The following ASAP1 variants were observed in gnomAD, a reference collection of about 807,000 sequenced individuals.
ASAP1 encodes ArfGAP with SH3 domain, ankyrin repeat and PH domain 1.
ASAP1 carries 43 observed loss-of-function variants against 145.2 expected under a neutral mutation model. The ratio of observed to expected loss-of-function variants is 0.30; its 90% CI spans 0.23 to 0.38. The LOEUF (loss-of-function observed/expected upper bound fraction) is 0.38, where lower values mean the gene tolerates loss of function less well. ASAP1 is among the 10% of genes least tolerant of loss of function. The pLI is 1.00. For missense variants in ASAP1, 1,018 were observed against 1,355.3 expected (o/e 0.75, Z 3.91); for synonymous variants, 546 against 515.5 (o/e 1.06, Z -0.80).
intron 3 of ASAP1, among the ~76,000 whole-genome samples, chr8:130,270,456 G>T (rs1056270739): frequency 3.3e-4 from 50 of 152,316 alleles, no homozygotes; most frequent in African/African-American, 1.2e-3. Flanking sequence ...AAAGTATAAA[G>T]AAATAACTTC....
chr8:130,396,885 T>A (rs1828555162), intron 2 of ASAP1, among the ~76,000 whole-genome samples: 1 of 152,212 alleles, frequency 6.6e-6, no homozygotes, highest in Non-Finnish European at 1.5e-5. Flanking sequence ...GTCTAAAGTT[T>A]AGGTCACTTC....
At chr8:130,221,765 T>C (rs541858671) in intron 4 of ASAP1, among the ~76,000 whole-genome samples, 2 of 152,200 alleles carry the variant, frequency 1.3e-5, no homozygotes, top group African/African-American at 4.8e-5. Flanking sequence ...ATACTCCATA[T>C]CCTAAAGTAG....
At chr8:130,211,664 G>A (rs573182149) in intron 5 of ASAP1, among the ~76,000 whole-genome samples, 7 of 152,272 alleles carry the variant, frequency 4.6e-5, no homozygotes, top group Admixed American at 2.6e-4. Context: ...ATAAAAATAA[G>A]TAATGATTTA....
At chr8:130,076,838 A>C (rs983188030) in intron 26 of ASAP1, among the ~76,000 whole-genome samples, 1 of 152,166 alleles carries the variant, frequency 6.6e-6, no homozygotes, top group African/African-American at 2.4e-5. Context: ...TCTTTAACAA[A>C]AGATTAGTCT....
intron 3 of ASAP1, among the ~76,000 whole-genome samples, chr8:130,256,739 T>TTATATTTA (rs1819544184): frequency 1.0e-5 from 1 of 95,904 alleles, no homozygotes; most frequent in African/African-American, 4.5e-5. Flanking sequence ...ATACACATTC[T>TTATATTTA]TATATATATA....
chr8:130,294,077 C>G (rs1333563913), intron 3 of ASAP1, among the ~76,000 whole-genome samples: 1 of 152,104 alleles, frequency 6.6e-6, no homozygotes. Flanking sequence ...GAAAATGGGA[C>G]AAAACAAGCA....
chr8:130,072,602 C>G (rs1363112931), intron 27 of ASAP1, among the ~76,000 whole-genome samples: 1 of 150,610 alleles, frequency 6.6e-6, no homozygotes, highest in East Asian at 1.9e-4. Flanking sequence ...GCACCCCTTC[C>G]CCCATACTTC....
At chr8:130,179,419 G>GCCAC in intron 8 of ASAP1, 70 bp from the exon 9 acceptor site, 3 of 905,500 alleles carry the variant, frequency 3.3e-6, no homozygotes, top group Non-Finnish European at 5.4e-6. Flanking sequence ...GGTTCAGGTG[G>GCCAC]CTGAACATCA....
intron 13 of ASAP1, 43 bp downstream of exon 13, chr8:130,152,693 C>T: frequency 1.3e-6 from 2 of 1,497,810 alleles, no homozygotes; most frequent in Non-Finnish European, 1.8e-6. Context: ...ATCGTGTTTG[C>T]TTTCTGGCCC....
chr8:130,355,021 G>A (rs1286093906), intron 3 of ASAP1, among the ~76,000 whole-genome samples: 3 of 152,200 alleles, frequency 2.0e-5, no homozygotes, highest in African/African-American at 7.2e-5. Context: ...AAGAAGCTGC[G>A]ACTACAGGCA....
At chr8:130,256,739 T>TA (rs1565142439) in intron 3 of ASAP1, among the ~76,000 whole-genome samples, 3,546 of 95,614 alleles carry the variant, frequency 0.037, 311 homozygotes, top group Non-Finnish European at 0.048. Context: ...ATACACATTC[T>TA]TATATATATA....
At chr8:130,086,981 G>C (rs1302974906) in intron 25 of ASAP1, among the ~76,000 whole-genome samples, 2 of 152,138 alleles carry the variant, frequency 1.3e-5, no homozygotes, top group Non-Finnish European at 2.9e-5. Context: ...ATTTCCTCCT[G>C]CCTATTCCAC....
intron 12 of ASAP1, among the ~76,000 whole-genome samples, chr8:130,157,930 T>G (rs924469040): frequency 1.3e-5 from 2 of 152,184 alleles, no homozygotes; most frequent in African/African-American, 4.8e-5. Context: ...GTCTCTTTCC[T>G]TCCTTAGAAT....
chr8:130,431,390 C>T (rs1308638471), intron 1 of ASAP1, among the ~76,000 whole-genome samples: 1 of 152,218 alleles, frequency 6.6e-6, no homozygotes, highest in East Asian at 1.9e-4. Flanking sequence ...CTGCCTCCTG[C>T]TCTGACCTCA....
intron 1 of ASAP1, among the ~76,000 whole-genome samples, chr8:130,406,871 A>G (rs1291770195): frequency 6.6e-6 from 1 of 152,110 alleles, no homozygotes; most frequent in Non-Finnish European, 1.5e-5. Context: ...GACCAAACTT[A>G]TTTTTATGAT....
At chr8:130,324,341 T>C (rs1824197547) in intron 3 of ASAP1, among the ~76,000 whole-genome samples, 1 of 152,174 alleles carries the variant, frequency 6.6e-6, no homozygotes. Flanking sequence ...TCTGGGAGTA[T>C]GGCCGAAACT....
At chr8:130,245,033 A>C (rs1267898575) in intron 3 of ASAP1, among the ~76,000 whole-genome samples, 1 of 152,176 alleles carries the variant, frequency 6.6e-6, no homozygotes, top group Non-Finnish European at 1.5e-5. Flanking sequence ...GTGGGGTTCA[A>C]CCAGGAAGCA....
intron 9 of ASAP1, among the ~76,000 whole-genome samples, chr8:130,170,188 A>G (rs1248136762): frequency 2.1e-5 from 2 of 94,440 alleles, no homozygotes; most frequent in East Asian, 3.2e-4. Context: ...ATTTTAAGGA[A>G]TATCTTTTTT....
intron 24 of ASAP1, among the ~76,000 whole-genome samples, chr8:130,100,456 A>G (rs2097526825): frequency 6.6e-6 from 1 of 151,696 alleles, no homozygotes. Flanking sequence ...CAGCCTCCCG[A>G]GTAGCTGGGA....
Sources: allele counts gnomAD v4.1 joint callset (sites outside exome capture counted in the v4.1 genomes callset), GRCh38; gene constraint gnomAD v4.1.1; transcripts MANE v1.5; gene names NCBI Gene and HGNC (gene_info 2026-07-23, HGNC 2026-07-21).